Variants in SPOCK3 observed in about 807,000 individuals in gnomAD.
The protein encoded by SPOCK3 is SPARC (osteonectin), cwcv and kazal like domains proteoglycan 3, also known as testican-3.
Under a neutral mutation model 56.6 loss-of-function variants are expected in SPOCK3, and 30 were observed. That is an observed-to-expected ratio of 0.53 (90% confidence interval 0.40 to 0.72). The LOEUF is 0.72. SPOCK3 is among the 30% of genes least tolerant of loss of function. SPOCK3 has a pLI of 0.00. For synonymous variants in SPOCK3, 196 were observed against 183.3 expected (o/e 1.07, Z -0.56); for missense variants, 527 against 530.0 (o/e 0.99, Z 0.06).
At chr4:167,146,675 A>G (rs887583004) in intron 2 of SPOCK3, among the ~76,000 whole-genome samples, 4 of 152,152 alleles carry the variant, frequency 2.6e-5, no homozygotes, top group Middle Eastern at 3.4e-3. Flanking sequence ...AACTGCACAA[A>G]CACATGGAAA....
At chr4:167,105,550 G>A in intron 2 of SPOCK3, among the ~76,000 whole-genome samples, 1 of 138,044 alleles carries the variant, frequency 7.2e-6, no homozygotes, top group Middle Eastern at 3.8e-3. Flanking sequence ...AAGGAAGAGA[G>A]ACCACAAAGC....
chr4:167,098,827 T>C (rs72699646), intron 2 of SPOCK3, among the ~76,000 whole-genome samples: 14,033 of 152,136 alleles, frequency 0.092, 935 homozygotes, highest in Admixed American at 0.22. Flanking sequence ...AGCATCTTCA[T>C]GCCAAATATT....
intron 2 of SPOCK3, among the ~76,000 whole-genome samples, chr4:167,117,579 C>T (rs815216): frequency 0.17 from 26,180 of 151,964 alleles, 2,415 homozygotes; most frequent in Middle Eastern, 0.21. Context: ...GGGTCGATGC[C>T]GGATTGTGGA....
intron 2 of SPOCK3, among the ~76,000 whole-genome samples, chr4:167,202,406 T>A (rs1284344245): frequency 1.3e-5 from 2 of 151,994 alleles, no homozygotes; most frequent in Non-Finnish European, 2.9e-5. Flanking sequence ...CATGACAGTT[T>A]ATGCAAAGTG....
intron 3 of SPOCK3, among the ~76,000 whole-genome samples, chr4:167,060,577 T>C (rs1309152155): frequency 6.6e-6 from 1 of 152,156 alleles, no homozygotes; most frequent in African/African-American, 2.4e-5. Context: ...TACATGTTTA[T>C]CAACTATATA....
At chr4:166,908,869 G>T (rs182337406) in intron 5 of SPOCK3, among the ~76,000 whole-genome samples, 5 of 151,974 alleles carry the variant, frequency 3.3e-5, no homozygotes, top group Admixed American at 3.3e-4. Flanking sequence ...AATAGACTTT[G>T]CCTGAAGTAA....
chr4:166,873,356 A>G (rs1732699404), intron 6 of SPOCK3, among the ~76,000 whole-genome samples: 1 of 152,158 alleles, frequency 6.6e-6, no homozygotes, highest in South Asian at 2.1e-4. Context: ...CAAGCCCATA[A>G]TATGTACAAT....
chr4:167,035,533 A>G (rs1580075551), intron 3 of SPOCK3, among the ~76,000 whole-genome samples: 1 of 152,158 alleles, frequency 6.6e-6, no homozygotes. Flanking sequence ...AATTTAACAC[A>G]TCTCCATGGA....
intron 6 of SPOCK3, among the ~76,000 whole-genome samples, chr4:166,866,683 A>G (rs920836813): frequency 3.9e-5 from 6 of 152,020 alleles, no homozygotes; most frequent in Non-Finnish European, 5.9e-5. Context: ...CTTATGATCA[A>G]ACTAGGAGTC....
At chr4:167,022,347 G>A (rs1751269969) in intron 3 of SPOCK3, among the ~76,000 whole-genome samples, 1 of 152,040 alleles carries the variant, frequency 6.6e-6, no homozygotes, top group African/African-American at 2.4e-5. Context: ...TGTCCCCAAA[G>A]CCTGACCGGA....
chr4:167,162,876 G>C (rs1178153167), intron 2 of SPOCK3, among the ~76,000 whole-genome samples: 1 of 151,890 alleles, frequency 6.6e-6, no homozygotes, highest in Non-Finnish European at 1.5e-5. Context: ...CAAAATTATA[G>C]TGGAAAAATT....
At chr4:167,051,624 G>A (rs549134045) in intron 3 of SPOCK3, among the ~76,000 whole-genome samples, 121 of 152,304 alleles carry the variant, frequency 7.9e-4, no homozygotes, top group African/African-American at 2.6e-3. Flanking sequence ...TCTGAACAGG[G>A]AAAGTTTAGA....
At chr4:166,741,921 T>C in intron 9 of SPOCK3, 76 bp downstream of exon 9, 3 of 1,044,942 alleles carry the variant, frequency 2.9e-6, no homozygotes, top group Non-Finnish European at 2.9e-6. Flanking sequence ...TGGATTAATA[T>C]TGATTTTATG....
chr4:167,234,349 C>T, intron 1 of SPOCK3, 101 bp downstream of exon 1: 1 of 637,962 alleles, frequency 1.6e-6, no homozygotes, highest in South Asian at 1.9e-5. Context: ...AAGCCGGGCA[C>T]TCACACACAC....
intron 2 of SPOCK3, among the ~76,000 whole-genome samples, chr4:167,090,642 T>C (rs1052109998): frequency 3.9e-5 from 6 of 152,064 alleles, no homozygotes; most frequent in African/African-American, 1.4e-4. Flanking sequence ...TAGCTGGGAT[T>C]ACAGGCATGC....
chr4:166,934,452 C>T (rs748651378), intron 4 of SPOCK3, among the ~76,000 whole-genome samples: 1 of 151,754 alleles, frequency 6.6e-6, no homozygotes, highest in Non-Finnish European at 1.5e-5. Flanking sequence ...GAGCCGAGAT[C>T]GCGCCACTGC....
At chr4:167,205,354 A>ATATATATTT (rs1734052528) in intron 2 of SPOCK3, among the ~76,000 whole-genome samples, 4 of 36,936 alleles carry the variant, frequency 1.1e-4, no homozygotes, top group Non-Finnish European at 1.7e-4. Flanking sequence ...TATATATAAT[A>ATATATATTT]TATATATTAT....
chr4:166,780,120 C>T (rs1264144513), intron 7 of SPOCK3, among the ~76,000 whole-genome samples: 3 of 151,916 alleles, frequency 2.0e-5, no homozygotes, highest in Non-Finnish European at 2.9e-5. Flanking sequence ...ATTAGCAAAC[C>T]ACAATTTTCT....
chr4:167,011,310 T>C, intron 3 of SPOCK3: 1 of 455,978 alleles, frequency 2.2e-6, no homozygotes, highest in Non-Finnish European at 4.4e-6. Flanking sequence ...GAGCTGGAAA[T>C]GTCATCAGTT....
Sources: allele counts gnomAD v4.1 joint callset (sites outside exome capture counted in the v4.1 genomes callset), GRCh38; gene constraint gnomAD v4.1.1; transcripts MANE v1.5; gene names NCBI Gene and HGNC (gene_info 2026-07-23, HGNC 2026-07-21).